The following HNF4A variants were observed in gnomAD, a reference collection of about 807,000 sequenced individuals.
HNF4A encodes hepatocyte nuclear factor 4 alpha, also known as hepatocyte nuclear factor 4-alpha.
HNF4A carries 15 observed loss-of-function variants against 52.4 expected under a neutral mutation model. The ratio of observed to expected loss-of-function variants is 0.29; its 90% CI spans 0.19 to 0.44. The LOEUF (loss-of-function observed/expected upper bound fraction) is 0.44, where lower values mean the gene tolerates loss of function less well. Ranked by LOEUF, HNF4A falls within the 20% of genes least tolerant of loss-of-function variation. The pLI is 1.00. For synonymous variants in HNF4A, 280 were observed against 264.4 expected, an observed-to-expected ratio of 1.06 and a Z score of -0.57; for missense variants, 479 against 647.2, an observed-to-expected ratio of 0.74 and a Z score of 2.82.
chr20:44,411,029 A>G (rs2146396167), intron 3 of HNF4A, among the ~76,000 whole-genome samples: 1 of 152,324 alleles, frequency 6.6e-6, no homozygotes, highest in East Asian at 1.9e-4. Context: ...GGCCAACAGC[A>G]GGTCAAGAAT....
chr20:44,422,524 C>G (rs564351001), intron 7 of HNF4A, among the ~76,000 whole-genome samples: 1 of 152,048 alleles, frequency 6.6e-6, no homozygotes, highest in Non-Finnish European at 1.5e-5. Flanking sequence ...AATGCATTAC[C>G]TCCATGAAGG....
chr20:44,404,487 T>A (rs2063454680), intron 1 of HNF4A, among the ~76,000 whole-genome samples: 1 of 151,870 alleles, frequency 6.6e-6, no homozygotes, highest in Non-Finnish European at 1.5e-5. Flanking sequence ...TGTGTGTGTG[T>A]CTGTGTATGT....
chr20:44,425,907 G>A (rs1361053433), intron 8 of HNF4A, among the ~76,000 whole-genome samples: 2 of 151,970 alleles, frequency 1.3e-5, no homozygotes, highest in Non-Finnish European at 1.5e-5. Context: ...CAATCCTTCC[G>A]ACTTGGCCTC....
At chr20:44,401,055 C>A (rs950844830), upstream of HNF4A, among the ~76,000 whole-genome samples, 1 of 151,914 alleles carries the variant, frequency 6.6e-6, no homozygotes, top group African/African-American at 2.4e-5. Flanking sequence ...AACTGAACAT[C>A]GGTGAGTTAG....
intron 5 of HNF4A, among the ~76,000 whole-genome samples, chr20:44,416,588 C>A (rs1414886021): frequency 1.3e-5 from 2 of 152,234 alleles, no homozygotes; most frequent in Non-Finnish European, 2.9e-5. Context: ...CCCTCCCAGG[C>A]AGTTTCCTCT....
intron 1 of HNF4A, among the ~76,000 whole-genome samples, chr20:44,364,121 G>A (rs1418021750): frequency 2.0e-5 from 3 of 152,150 alleles, no homozygotes; most frequent in Non-Finnish European, 4.4e-5. Context: ...GGGTAGGGAC[G>A]TGTTCAAATG....
intron 5 of HNF4A, among the ~76,000 whole-genome samples, 168 bp downstream of exon 5, chr20:44,414,830 C>CT (rs2063640481): frequency 6.6e-6 from 1 of 152,202 alleles, no homozygotes; most frequent in African/African-American, 2.4e-5. Flanking sequence ...CAAATATTAA[C>CT]TCAGTTAGCT....
chr20:44,417,410 T>C (rs970488501), intron 5 of HNF4A, among the ~76,000 whole-genome samples: 1 of 152,204 alleles, frequency 6.6e-6, no homozygotes, highest in African/African-American at 2.4e-5. Context: ...GAGAATGGTT[T>C]CATCAAGCTG....
intron 4 of HNF4A, among the ~76,000 whole-genome samples, chr20:44,414,097 A>T (rs2063625960): frequency 6.6e-6 from 1 of 152,220 alleles, no homozygotes; most frequent in Non-Finnish European, 1.5e-5. Context: ...AGAACAGAGC[A>T]GTGGCTCAGT....
At chr20:44,378,666 C>T (rs1276939034) in intron 1 of HNF4A, among the ~76,000 whole-genome samples, 1 of 152,116 alleles carries the variant, frequency 6.6e-6, no homozygotes, top group Admixed American at 6.6e-5. Context: ...CATCTTCCCA[C>T]ACTGAAACTG....
intron 1 of HNF4A, among the ~76,000 whole-genome samples, chr20:44,382,494 C>T (rs1375467986): frequency 6.6e-6 from 1 of 152,186 alleles, no homozygotes. Context: ...GCCTTGGCCT[C>T]CCAAAGCGCC....
upstream of HNF4A, among the ~76,000 whole-genome samples, chr20:44,398,812 T>C (rs1411429083): frequency 6.6e-6 from 1 of 152,222 alleles, no homozygotes; most frequent in African/African-American, 2.4e-5. Flanking sequence ...TCGTAGACCT[T>C]ATTTAATTGA....
intron 1 of HNF4A, among the ~76,000 whole-genome samples, chr20:44,366,794 A>C (rs1260089775): frequency 6.6e-6 from 1 of 152,224 alleles, no homozygotes; most frequent in Non-Finnish European, 1.5e-5. Flanking sequence ...TTTAAAAATT[A>C]AGGTATATCT....
chr20:44,413,853 C>T (rs2063622356), intron 4 of HNF4A, 53 bp downstream of exon 4: 1 of 1,198,812 alleles, frequency 8.3e-7, no homozygotes, highest in Admixed American at 1.9e-5. Flanking sequence ...TACAGAGGAG[C>T]TCACCTCCTC....
At chr20:44,355,909 G>A in intron 1 of HNF4A, 56 bp downstream of exon 1, 2 of 1,458,914 alleles carry the variant, frequency 1.4e-6, no homozygotes, top group Non-Finnish European at 1.9e-6. Flanking sequence ...GCTTTGGGAG[G>A]CCATGGGACA....
chr20:44,429,460 T>G, intron 9 of HNF4A, 63 bp from the exon 10 acceptor site: 1 of 1,609,184 alleles, frequency 6.2e-7, no homozygotes, highest in Non-Finnish European at 8.5e-7. Flanking sequence ...CCCGGGCCTC[T>G]TCATTTACTC....
At chr20:44,356,763 A>T (rs905457529) in intron 1 of HNF4A, among the ~76,000 whole-genome samples, 1 of 152,208 alleles carries the variant, frequency 6.6e-6, no homozygotes, top group African/African-American at 2.4e-5. Context: ...AGGGAAATTC[A>T]AGAGAATGTT....
chr20:44,404,302 A>C (rs2063451163), intron 1 of HNF4A, among the ~76,000 whole-genome samples: 2 of 152,230 alleles, frequency 1.3e-5, no homozygotes, highest in South Asian at 4.1e-4. Context: ...TAGAGAAGTA[A>C]ACGAACACAG....
intron 1 of HNF4A, among the ~76,000 whole-genome samples, chr20:44,368,785 T>C (rs1006671490): frequency 2.0e-5 from 3 of 152,212 alleles, no homozygotes; most frequent in Non-Finnish European, 4.4e-5. Context: ...CTGTGAGTAA[T>C]AGCCATAATA....
Sources: allele counts gnomAD v4.1 joint callset (sites outside exome capture counted in the v4.1 genomes callset), GRCh38; gene constraint gnomAD v4.1.1; transcripts MANE v1.5; gene names NCBI Gene and HGNC (gene_info 2026-07-23, HGNC 2026-07-21).